The following IMPA2 variants were observed in gnomAD, a reference collection of about 807,000 sequenced individuals.
IMPA2 encodes inositol monophosphatase 2.
In IMPA2, 32 loss-of-function variants were observed where a neutral mutation model predicts 35.1. The ratio of observed to expected loss-of-function variants is 0.91; its 90% CI spans 0.69 to 1.23. The LOEUF (loss-of-function observed/expected upper bound fraction) is 1.23, where lower values mean the gene tolerates loss of function less well. IMPA2 is among the 50% of genes most tolerant of loss of function. The probability of loss-of-function intolerance (pLI) is 0.00; values close to 1 mark genes in which losing one functional copy is unlikely to be tolerated. For missense variants in IMPA2, 334 were observed against 387.6 expected (o/e 0.86, Z 1.16); for synonymous variants, 135 against 160.6 (o/e 0.84, Z 1.20).
intron 5 of IMPA2, among the ~76,000 whole-genome samples, chr18:12,022,274 G>A (rs1478810191): frequency 6.6e-6 from 1 of 151,968 alleles, no homozygotes; most frequent in African/African-American, 2.4e-5. Flanking sequence ...GCTCACGCCT[G>A]TAATCCTAGC....
intron 2 of IMPA2, 61 bp downstream of exon 2, chr18:11,999,248 G>T: frequency 6.6e-7 from 1 of 1,511,468 alleles, no homozygotes; most frequent in South Asian, 1.2e-5. Context: ...AGAGAATGCA[G>T]GGTCTGCCGG....
intron 1 of IMPA2, among the ~76,000 whole-genome samples, chr18:11,985,805 C>T (rs1906649321): frequency 6.6e-6 from 1 of 152,212 alleles, no homozygotes; most frequent in African/African-American, 2.4e-5. Flanking sequence ...AATGTGACTG[C>T]AAACCCTATT....
chr18:12,023,043 C>T (rs1907781251), intron 5 of IMPA2, among the ~76,000 whole-genome samples: 1 of 144,526 alleles, frequency 6.9e-6, no homozygotes, highest in Admixed American at 7.4e-5. Context: ...GATCTACCTG[C>T]TTTGGCCTCC....
chr18:12,003,068 GC>G (rs1371907501), intron 2 of IMPA2, among the ~76,000 whole-genome samples: 3 of 151,898 alleles, frequency 2.0e-5, no homozygotes, highest in Non-Finnish European at 4.4e-5. Flanking sequence ...GGTAGTGCGT[GC>G]CTGTAATCCC....
intron 1 of IMPA2, 131 bp downstream of exon 1, chr18:11,981,896 G>A: frequency 2.0e-6 from 1 of 500,554 alleles, no homozygotes; most frequent in Non-Finnish European, 3.1e-6. Flanking sequence ...GGCGCGGGGC[G>A]CGGAGCGGTG....
At chr18:12,014,417 G>C in intron 5 of IMPA2, 44 bp downstream of exon 5, 1 of 1,223,650 alleles carries the variant, frequency 8.2e-7, no homozygotes, top group Non-Finnish European at 1.1e-6. Context: ...TGAAATAAAA[G>C]TGTGAAAGGA....
At chr18:12,022,528 A>AATATATATATATATAT (rs202132842) in intron 5 of IMPA2, among the ~76,000 whole-genome samples, 9 of 96,810 alleles carry the variant, frequency 9.3e-5, no homozygotes, top group African/African-American at 3.5e-4. Flanking sequence ...TCTCAAAAAG[A>AATATATATATATATAT]ATATATATAT....
chr18:12,027,474 A>T (rs558213047), intron 5 of IMPA2, among the ~76,000 whole-genome samples: 1 of 151,900 alleles, frequency 6.6e-6, no homozygotes, highest in Admixed American at 6.6e-5. Context: ...CGATTGCAGC[A>T]GTTAGACGAT....
chr18:12,004,056 G>T (rs545292925), intron 2 of IMPA2, among the ~76,000 whole-genome samples: 1 of 152,248 alleles, frequency 6.6e-6, no homozygotes, highest in Non-Finnish European at 1.5e-5. Flanking sequence ...AGCAGTGTCT[G>T]TTGAATGCGT....
chr18:12,014,489 C>T (rs1347782443), intron 5 of IMPA2, 116 bp downstream of exon 5: 2 of 600,650 alleles, frequency 3.3e-6, no homozygotes, highest in Non-Finnish European at 5.7e-6. Flanking sequence ...GGTGTCATCT[C>T]TTTTTAGGGA....
intron 1 of IMPA2, among the ~76,000 whole-genome samples, chr18:11,986,503 C>CA (rs1358073911): frequency 1.3e-5 from 2 of 152,136 alleles, no homozygotes; most frequent in Non-Finnish European, 2.9e-5. Context: ...TATGAATACT[C>CA]TTTTGTCTAC....
chr18:12,010,290 AC>A lies in IMPA2; in HGVS notation c.335+308del. On this transcript the variant is annotated intron_variant, in intron 3 of 7. Transcript: ENST00000269159. This position sits in a 1 kb window ranked among gnomAD's most constrained non-coding sequence, Gnocchi z 4.8. The stretch of plus-strand genomic sequence containing the variant: ...AGGAGTCTGACTCCCCTCACACCCC[AC>A]CCCCACTGGAGAAAAAGGTGAGGTT... 1 of 270,952 alleles carries A rather than the reference AC, an allele frequency of 3.7e-6. No individual in the cohort carries two copies. Among genetic ancestry groups the A allele is most frequent in the Non-Finnish European group, 7.0e-6 (1 of 142,496 alleles). 16.8% of individuals were successfully genotyped at this position (270,952 alleles called of 1,614,324 possible).
chr18:12,027,787 G>A (rs532889564), intron 5 of IMPA2, among the ~76,000 whole-genome samples: 25 of 148,222 alleles, frequency 1.7e-4, no homozygotes, highest in African/African-American at 6.2e-4. Context: ...TCACCATCTT[G>A]CCCAGGCTGG....
chr18:12,016,521 G>A (rs1216644336), intron 5 of IMPA2, among the ~76,000 whole-genome samples: 2 of 151,926 alleles, frequency 1.3e-5, no homozygotes, highest in East Asian at 3.9e-4. Flanking sequence ...CACCTCCTGG[G>A]TTCAAGTGAT....
intron 2 of IMPA2, among the ~76,000 whole-genome samples, 171 bp downstream of exon 2, chr18:11,999,358 C>T (rs1907054745): frequency 6.6e-6 from 1 of 152,178 alleles, no homozygotes; most frequent in Non-Finnish European, 1.5e-5. Context: ...GCAAACTCAG[C>T]CCTGTTTTCA....
rs148614149 is a variant in IMPA2, at chr18:12,013,421, C to T, written c.382-844C>T. ...GTTGACTGAATGACGCCTCCAACCG[C>T]CAGAAATAAACCCTTTCTCTGTAGC... On this transcript the variant is annotated intron_variant, in intron 4 of 7. Coordinates refer to ENST00000269159, the MANE Select transcript of IMPA2 (RefSeq NM_014214.3). Among the ~76,000 whole-genome samples, 6 of 152,314 alleles carry T rather than the reference C, an allele frequency of 3.9e-5. No individual in the cohort carries two copies. The East Asian group carries it at 1.2e-3, about 29-fold the overall frequency.
At chr18:12,000,678 T>C (rs620705) in intron 2 of IMPA2, among the ~76,000 whole-genome samples, 29,013 of 145,106 alleles carry the variant, frequency 0.2, 3,572 homozygotes, top group East Asian at 0.35. Flanking sequence ...TGCAGTGGCG[T>C]GATCTTGGCT....
At chr18:12,026,406 T>C (rs1907883831) in intron 5 of IMPA2, among the ~76,000 whole-genome samples, 1 of 152,228 alleles carries the variant, frequency 6.6e-6, no homozygotes, top group Non-Finnish European at 1.5e-5. Context: ...GTATATAGTA[T>C]TTAGATTCTT....
At chr18:12,008,267 A>T in intron 2 of IMPA2, 1 of 491,062 alleles carries the variant, frequency 2.0e-6, no homozygotes. Flanking sequence ...CAGTGCTGGG[A>T]TTACAGGCGT....
Sources: allele counts gnomAD v4.1 joint callset (sites outside exome capture counted in the v4.1 genomes callset), GRCh38; gene constraint gnomAD v4.1.1; non-coding constraint Gnocchi (gnomAD v3.1); transcripts MANE v1.5; gene names NCBI Gene and HGNC (gene_info 2026-07-23, HGNC 2026-07-21).